SNX9: variants seen among roughly 807,000 people sequenced by gnomAD.
SNX9 encodes sorting nexin 9, also known as sorting nexin-9.
A neutral mutation model predicts 89.4 loss-of-function variants in SNX9; 44 were observed. The ratio of observed to expected loss-of-function variants is 0.49; its 90% CI spans 0.39 to 0.63. SNX9 has a LOEUF of 0.63. Among genes scored for constraint, SNX9 ranks in the 30% least tolerant of loss-of-function variants. The probability of loss-of-function intolerance (pLI) is 0.00; values close to 1 mark genes in which losing one functional copy is unlikely to be tolerated. For synonymous variants in SNX9, 236 were observed against 247.8 expected (o/e 0.95, Z 0.45); for missense variants, 578 against 736.1 (o/e 0.79, Z 2.49).
chr6:157,925,156 T>C lies in SNX9; in HGVS notation c.1081-1955T>C, dbSNP rs1265031485. ...CAATGAAGGGCTAGATTTTAGAATA[T>C]AGGAAAACATCAGTAAGCCCAGTGG... is the stretch of plus-strand genomic sequence containing the variant. On this transcript the variant is annotated intron_variant, in intron 10 of 17. Coordinates refer to ENST00000392185, the MANE Select transcript of SNX9 (RefSeq NM_016224.5). Among the ~76,000 whole-genome samples, 4 of 152,194 alleles carry C rather than the reference T, an allele frequency of 2.6e-5. 1 individual carries two copies. The highest frequency in any genetic ancestry group is 4.1e-4 in the South Asian group (2 of 4,828).
chr6:157,862,334 ATAT>A (rs780713308), intron 1 of SNX9, among the ~76,000 whole-genome samples: 188 of 152,314 alleles, frequency 1.2e-3, no homozygotes, highest in Non-Finnish European at 2.0e-3. Context: ...AAGACGTTAA[ATAT>A]TATACAATTT....
At chr6:157,925,359 G>A (rs1783670361) in intron 10 of SNX9, among the ~76,000 whole-genome samples, 1 of 151,684 alleles carries the variant, frequency 6.6e-6, no homozygotes, top group Admixed American at 6.6e-5. Context: ...TCATCTTGGT[G>A]AGGTGAGATG....
rs753439708 is a variant in SNX9, at chr6:157,932,276, C to G, written c.1366+4C>G. ...TTCAGTTCCAGTGGCTATCAAGGTG[C>G]GTCTTTCTTCATTCATCCAGTGGGC... On this transcript the variant is annotated splice_donor_region_variant and intron_variant, in intron 13 of 17. Coordinates refer to ENST00000392185, the MANE Select transcript of SNX9 (RefSeq NM_016224.5). 1 of 1,613,738 alleles carries G rather than the reference C, an allele frequency of 6.2e-7. No individual in the cohort carries two copies. The highest frequency in any genetic ancestry group is 1.1e-5 in the South Asian group (1 of 91,078).
intron 1 of SNX9, among the ~76,000 whole-genome samples, chr6:157,826,439 G>T (rs1781345673): frequency 6.7e-6 from 1 of 150,326 alleles, no homozygotes; most frequent in African/African-American, 2.5e-5. Context: ...GGCAGAACTT[G>T]CAGTGAGCCG....
chr6:157,941,065 T>C, intron 17 of SNX9, 91 bp downstream of exon 17: 4 of 1,145,964 alleles, frequency 3.5e-6, no homozygotes, highest in Non-Finnish European at 5.1e-6. Context: ...CTGTTTGTAT[T>C]CTTTAATCCT....
Position 157,896,899 on chromosome 6 carries a change from TG to T in SNX9, c.379del (p.Ala127ProfsTer75). 6.2e-7 allele frequency: 1 copy of T among 1,613,588 alleles called. No individual in the cohort carries two copies. The highest frequency in any genetic ancestry group is 8.5e-7 in the Non-Finnish European group (1 of 1,179,820). On this transcript the variant is annotated frameshift_variant, in exon 5 of 18. Transcript: ENST00000392185. LOFTEE classifies it high-confidence loss of function. ...KSGNWESSEG[W>X]GAQPEGAGAQ... is the part of the protein sequence containing the mutation. ...TGGGAACTGGGAAAGCTCAGAAGGC[TG>T]GGGGGCCCAGCCAGAGGGGGCTGGA...
chr6:157,874,861 AAT>A (rs766518404), intron 3 of SNX9, 188 bp from the exon 4 acceptor site: 24 of 511,650 alleles, frequency 4.7e-5, no homozygotes, highest in Non-Finnish European at 6.9e-5. Flanking sequence ...GAAATTAAAA[AAT>A]AGTTTGAACT....
chr6:157,868,300 T>C (rs1481007937), intron 2 of SNX9, among the ~76,000 whole-genome samples: 1 of 152,246 alleles, frequency 6.6e-6, no homozygotes, highest in African/African-American at 2.4e-5. Context: ...TGTGTACATA[T>C]ACATACACAC....
intron 4 of SNX9, chr6:157,885,392 CT>C (rs1443984759): frequency 6.6e-6 from 1 of 152,136 alleles, no homozygotes; most frequent in Non-Finnish European, 1.5e-5. Flanking sequence ...AGCCAAAGAT[CT>C]GTAAAGAACA....
chr6:157,908,403 C>T (rs1783263357), intron 7 of SNX9, among the ~76,000 whole-genome samples: 1 of 152,148 alleles, frequency 6.6e-6, no homozygotes, highest in South Asian at 2.1e-4. Flanking sequence ...AATTATTTTT[C>T]ATTTTCAAGC....
At chr6:157,940,595 C>CT (rs1400899264) in intron 16 of SNX9, among the ~76,000 whole-genome samples, 1 of 152,134 alleles carries the variant, frequency 6.6e-6, no homozygotes, top group Non-Finnish European at 1.5e-5. Context: ...TTTTTGTATT[C>CT]TTAGTAGAGA....
chr6:157,936,283 T>C (rs995450966), intron 14 of SNX9, among the ~76,000 whole-genome samples: 2 of 152,194 alleles, frequency 1.3e-5, no homozygotes, highest in Non-Finnish European at 2.9e-5. Context: ...TCTGGCACTT[T>C]GGGAGGCCAA....
Position 157,839,782 on chromosome 6 carries a change from G to T in SNX9, c.12+16336G>T, listed in dbSNP as rs191060332. ...TCTTGCCCTCCAGTCTCCTCTTTAG[G>T]CCTTTCCTCCTGCCCCTCAGTTTAG... On this transcript the variant is annotated intron_variant, in intron 1 of 17. Coordinates refer to ENST00000392185, the MANE Select transcript of SNX9 (RefSeq NM_016224.5). Among the ~76,000 whole-genome samples, 54 of 152,174 alleles carry T rather than the reference G, an allele frequency of 3.5e-4. No homozygotes were observed. In the East Asian group the frequency reaches 8.9e-3, roughly 25 times the overall value.
intron 1 of SNX9, among the ~76,000 whole-genome samples, chr6:157,854,528 C>T (rs1206639614): frequency 6.6e-6 from 1 of 152,204 alleles, no homozygotes; most frequent in Non-Finnish European, 1.5e-5. Flanking sequence ...TGTGCTTTGA[C>T]TAGTTGTGTA....
Position 157,932,241 on chromosome 6 carries a change from G to A in SNX9, c.1335G>A (p.Leu445=). ...AGATAGGAAAGGCCTTGCAGAGTTT[G>A]GCCACAGTGTTCAGTTCCAGTGGCT... ...YQKIGKALQS[L]ATVFSSSGYQ... is the part of the protein sequence containing the mutation. Residue 445 remains leucine (L), a synonymous_variant, in exon 13 of 18, where the codon TTG becomes TTA. Coordinates refer to ENST00000392185, the MANE Select transcript of SNX9 (RefSeq NM_016224.5). The A allele has an allele frequency of 6.2e-7, 1 of 1,614,112 alleles. No homozygotes were observed. Among genetic ancestry groups the A allele is most frequent in the Non-Finnish European group, 8.5e-7 (1 of 1,180,018 alleles).
At chr6:157,851,156 G>A (rs1781902171) in intron 1 of SNX9, among the ~76,000 whole-genome samples, 1 of 151,760 alleles carries the variant, frequency 6.6e-6, no homozygotes, top group Admixed American at 6.6e-5. Context: ...TGCTCAGAAG[G>A]CTGAGGCAGG....
At chr6:157,851,738 C>T (rs1305122616) in intron 1 of SNX9, among the ~76,000 whole-genome samples, 4 of 152,032 alleles carry the variant, frequency 2.6e-5, no homozygotes, top group Non-Finnish European at 5.9e-5. Flanking sequence ...TACAGGCGTT[C>T]GCTACCACAC....
rs115046486 is a variant in SNX9, at chr6:157,908,631, G to A, written c.706-1034G>A. Among the ~76,000 whole-genome samples the A allele has an allele frequency of 4.4e-3, 673 of 152,262 alleles. 6 individuals are homozygous for A. The highest frequency in any genetic ancestry group is 0.015 in the African/African-American group (642 of 41,542). The stretch of plus-strand genomic sequence containing the variant: ...GCTCCAGCATCCAGGTTCCTCTGCA[G>A]CTGCCCCCATGGCCTTGGATGCTGT... On this transcript the variant is annotated intron_variant, in intron 7 of 17. Coordinates refer to ENST00000392185, the MANE Select transcript of SNX9 (RefSeq NM_016224.5).
intron 1 of SNX9, among the ~76,000 whole-genome samples, chr6:157,840,407 CT>C (rs916789998): frequency 7.7e-6 from 1 of 129,274 alleles, no homozygotes; most frequent in Admixed American, 7.1e-5. Flanking sequence ...ACAAAAAATA[CT>C]TTCTTTCTTT....
Sources: gnomAD v4.1 joint callset for allele counts (sites outside exome capture counted in the v4.1 genomes callset) on GRCh38, gnomAD v4.1.1 for gene constraint, MANE v1.5 for transcripts, NCBI Gene and HGNC (gene_info 2026-07-23, HGNC 2026-07-21) for gene names.